FAM120B: variants seen among roughly 807,000 people sequenced by gnomAD.
FAM120B encodes family with sequence similarity 120 member B.
In FAM120B, 83 loss-of-function variants were observed where a neutral mutation model predicts 96.3. That is an observed-to-expected ratio of 0.86 (90% CI 0.72 to 1.03). FAM120B has a LOEUF of 1.03. Among genes scored for constraint, FAM120B ranks in the 50% least tolerant of loss-of-function variants. The probability of loss-of-function intolerance (pLI) is 0.00; values close to 1 mark genes in which losing one functional copy is unlikely to be tolerated. For synonymous variants in FAM120B, 407 were observed against 402.7 expected (o/e 1.01, Z -0.13); for missense variants, 1,027 against 1,121.2 (o/e 0.92, Z 1.20).
rs1185590089 is a variant in FAM120B at position 170,295,759 on chromosome 6, A to G, written c.48+306A>G. Among the ~76,000 whole-genome samples, 1 of 151,110 alleles carries G rather than the reference A, an allele frequency of 6.6e-6. No individual in the cohort carries two copies. The highest frequency in any genetic ancestry group is 1.5e-5 in the Non-Finnish European group (1 of 67,748). On this transcript the variant is annotated intron_variant, in intron 1 of 10. Transcript: ENST00000537664. The surrounding 1 kb of genome is among the most constrained non-coding windows in gnomAD (Gnocchi z 7.8). ...GCAGAGAACAGGAAGACGGGCTCCA[A>G]CCCCACCTGGTTCGTGTCGGGGGGT...
intron 6 of FAM120B, among the ~76,000 whole-genome samples, chr6:170,367,499 T>A (rs1788874310): frequency 6.6e-6 from 1 of 152,256 alleles, no homozygotes; most frequent in Admixed American, 6.5e-5. Flanking sequence ...AGACATCATA[T>A]GGCCCACAAA....
At chr6:170,340,098 C>T (rs1237764051) in intron 4 of FAM120B, among the ~76,000 whole-genome samples, 1 of 152,138 alleles carries the variant, frequency 6.6e-6, no homozygotes, top group East Asian at 1.9e-4. Context: ...CAACCTGGTT[C>T]CATTCTCCCC....
intron 1 of FAM120B, chr6:170,298,100 T>A (rs1784059877): frequency 6.6e-6 from 1 of 152,226 alleles, no homozygotes; most frequent in African/African-American, 2.4e-5. Flanking sequence ...CACATGGACA[T>A]CAGGCTGTGA....
chr6:170,358,179 T>A, intron 5 of FAM120B, 47 bp from the exon 6 acceptor site: 1 of 1,463,264 alleles, frequency 6.8e-7, no homozygotes, highest in Non-Finnish European at 9.4e-7. Context: ...TAAGAAATGT[T>A]TAATTTTTCC....
At chr6:170,371,826 C>G (rs1789214392) in intron 6 of FAM120B, among the ~76,000 whole-genome samples, 1 of 152,150 alleles carries the variant, frequency 6.6e-6, no homozygotes, top group Non-Finnish European at 1.5e-5. Flanking sequence ...AGCTGCAAGT[C>G]CCAAGAGCAG....
intron 5 of FAM120B, among the ~76,000 whole-genome samples, chr6:170,351,610 C>G (rs185836453): frequency 6.6e-6 from 1 of 152,186 alleles, no homozygotes; most frequent in Non-Finnish European, 1.5e-5. Context: ...AGCAGAAACC[C>G]TACAAGCCAG....
intron 9 of FAM120B, among the ~76,000 whole-genome samples, chr6:170,397,317 C>G (rs1290765128): frequency 7.2e-5 from 11 of 152,186 alleles, no homozygotes; most frequent in African/African-American, 2.7e-4. Context: ...CTCCCTCACT[C>G]TCTCTGCTGC....
chr6:170,329,596 T>G lies in FAM120B; in HGVS notation c.1916-853T>G, dbSNP rs539393335. ...GATTCATGTTCCTTTTTTACCGACT[T>G]TTTTTTTTTTCTTAGAAGGTTTTGA... On this transcript the variant is annotated intron_variant, in intron 3 of 10. Transcript: ENST00000476287. 2.7e-5 allele frequency among the ~76,000 whole-genome samples: 4 copies of G among 149,272 alleles called. No homozygotes were observed. The East Asian group carries it at 7.8e-4, about 29-fold the overall frequency.
upstream of FAM120B, chr6:170,291,157 C>T (rs935971863): frequency 3.1e-6 from 2 of 640,076 alleles, no homozygotes; most frequent in African/African-American, 1.8e-5. Flanking sequence ...CCGCCCCCAG[C>T]CCCCCCTTCC....
Position 170,318,154 on chromosome 6 carries a change from A to G in FAM120B, c.764A>G (p.Glu255Gly). ...KCLSSYTSVK[E>G]NFDKKGNIIL... ...TTATCGTCCTACACCTCTGTAAAAG[A>G]GAACTTTGACAAAAAAGGTAACATC... is the stretch of plus-strand genomic sequence containing the variant. The change falls in exon 2 of 11, where the codon GAG (glutamate) becomes GGG (glycine). Residue 255 changes from glutamate to glycine, a missense_variant. Glu to Gly is a moderately conservative substitution (Grantham distance 98). This residue lies in a region of FAM120B where 880 missense variants were observed against 980.9 expected (regional missense o/e 0.90). Transcript: ENST00000476287. 6.2e-7 allele frequency: 1 copy of G among 1,614,236 alleles called. No individual in the cohort carries two copies. The highest frequency in any genetic ancestry group is 1.1e-5 in the South Asian group (1 of 91,084).
chr6:170,291,340 G>C (rs1366502773), upstream of FAM120B, among the ~76,000 whole-genome samples: 1 of 151,672 alleles, frequency 6.6e-6, no homozygotes, highest in Non-Finnish European at 1.5e-5. Flanking sequence ...GGCCCCACTT[G>C]AGCGGCGGGA....
In FAM120B at chr6:170,326,001, CTG is replaced by C. The variant is rs1300553437; in HGVS notation, c.1915+2746_1915+2747del. ...TACTAGCAATGTAAAAACCTTGTAA[CTG>C]TGTATTTTCATTCTCCCCAACATTT... On this transcript the variant is annotated intron_variant, in intron 3 of 10. Transcript: ENST00000476287. 5.9e-5 allele frequency among the ~76,000 whole-genome samples: 9 copies of C among 152,120 alleles called. No individual in the cohort carries two copies. The South Asian group carries it at 1.2e-3, about 21-fold the overall frequency.
At chr6:170,375,264 A>AG (rs1415715182) in intron 6 of FAM120B, among the ~76,000 whole-genome samples, 1 of 152,280 alleles carries the variant, frequency 6.6e-6, no homozygotes, top group Non-Finnish European at 1.5e-5. Flanking sequence ...GTAATCACAC[A>AG]GCACATAGGC....
chr6:170,389,906 G>A (rs6926684), intron 7 of FAM120B, among the ~76,000 whole-genome samples: 1,659 of 152,206 alleles, frequency 0.011, 22 homozygotes, highest in African/African-American at 0.034. Context: ...CTGCAAAAGT[G>A]CCCCACAGAT....
Position 170,295,544 on chromosome 6 carries a change from C to A in FAM120B, c.48+91C>A. On this transcript the variant is annotated intron_variant, in intron 1 of 10. Transcript: ENST00000537664. The surrounding 1 kb of genome is among the most constrained non-coding windows in gnomAD (Gnocchi z 7.8). ...GGAGCGCGACCCCCGGCGCGGGCAG[C>A]TCTGCGCGAAGGTGGGCGACGGTGG... 1 of 609,904 alleles carries A rather than the reference C, an allele frequency of 1.6e-6. No homozygotes were observed. The highest frequency in any genetic ancestry group is 1.9e-5 in the South Asian group (1 of 52,372). The allele number at this position is 609,904 out of a possible 1,614,324, so 37.8% of individuals were successfully genotyped here. A position where few individuals can be genotyped will look rare whatever the true frequency, so the allele number is the denominator to read the frequency against.
intron 8 of FAM120B, 194 bp downstream of exon 8, chr6:170,391,315 A>C: frequency 1.9e-6 from 1 of 523,970 alleles, no homozygotes. Flanking sequence ...CAGGCAGATC[A>C]CTTGAGGTCA....
intron 1 of FAM120B, among the ~76,000 whole-genome samples, chr6:170,312,411 T>C (rs959322283): frequency 2.6e-5 from 4 of 152,324 alleles, no homozygotes; most frequent in East Asian, 1.9e-4. Context: ...TACTAAACTT[T>C]AGGCAATTGA....
chr6:170,297,300 G>A (rs1374684091), intron 1 of FAM120B, among the ~76,000 whole-genome samples: 1 of 152,208 alleles, frequency 6.6e-6, no homozygotes. Flanking sequence ...GCTTTCGAAC[G>A]CGCCGTGCTT....
At chr6:170,350,576 G>A (rs1787509201) in intron 5 of FAM120B, among the ~76,000 whole-genome samples, 1 of 152,252 alleles carries the variant, frequency 6.6e-6, no homozygotes, top group African/African-American at 2.4e-5. Flanking sequence ...AGAGCTTCCA[G>A]AGGAAGGAGC....
Sources: gnomAD v4.1 joint callset for allele counts (sites outside exome capture counted in the v4.1 genomes callset) on GRCh38, gnomAD v4.1.1 for gene constraint, gnomAD v4.1.1 regional missense constraint, Gnocchi (gnomAD v3.1) non-coding constraint, MANE v1.5 for transcripts, NCBI Gene and HGNC (gene_info 2026-07-23, HGNC 2026-07-21) for gene names.